ATXN1: variants seen among roughly 807,000 people sequenced by gnomAD.
ATXN1 encodes ataxin 1.
In ATXN1, 8 loss-of-function variants were observed where a neutral mutation model predicts 56.4. The observed-to-expected ratio is 0.14, with a 90% confidence interval of 0.08 to 0.26. The LOEUF (loss-of-function observed/expected upper bound fraction) is 0.26. Among genes scored for constraint, ATXN1 ranks in the 10% least tolerant of loss-of-function variants. The pLI is 1.00. For missense variants in ATXN1, 987 were observed against 1,106.5 expected (o/e 0.89, Z 1.53); for synonymous variants, 514 against 494.6 (o/e 1.04, Z -0.52).
chr6:16,630,923 T>C (rs947042923), intron 3 of ATXN1, among the ~76,000 whole-genome samples: 1 of 152,230 alleles, frequency 6.6e-6, no homozygotes, highest in Admixed American at 6.5e-5. Context: ...CAGTAATAAT[T>C]TGCATTTCTG....
chr6:16,438,161 C>A (rs143232243), intron 6 of ATXN1, among the ~76,000 whole-genome samples: 78 of 152,308 alleles, frequency 5.1e-4, no homozygotes, highest in African/African-American at 1.8e-3. Context: ...GGAGGTGGAG[C>A]TTAGGCTGGC....
Position 16,480,071 on chromosome 6 carries a change from G to A in ATXN1, c.-161+5901C>T, listed in dbSNP as rs559827192. On this transcript the variant is annotated intron_variant, in intron 6 of 7. Transcript: ENST00000436367. ...GGAGGCTGAGGCAGGAGAATCGCTT[G>A]AACCCAGAAGGTGGAGGTTGCAGTG... 2.9e-5 allele frequency among the ~76,000 whole-genome samples: 4 copies of A among 139,986 alleles called. No homozygotes were observed. The South Asian group carries it at 9.0e-4, about 31-fold the overall frequency. The allele number at this position is 139,986 out of a possible 152,430, so 91.8% of individuals were successfully genotyped here.
chr6:16,747,071 G>A (rs1760559208), intron 2 of ATXN1, among the ~76,000 whole-genome samples: 1 of 152,048 alleles, frequency 6.6e-6, no homozygotes, highest in South Asian at 2.1e-4. Flanking sequence ...GGTCCTGGAA[G>A]ACTACTCCAT....
chr6:16,490,146 A>C (rs1760632351), intron 5 of ATXN1, among the ~76,000 whole-genome samples: 2 of 151,998 alleles, frequency 1.3e-5, no homozygotes, highest in South Asian at 2.1e-4. Flanking sequence ...AAAAAAAAAA[A>C]AAAAACCAAA....
rs116348046 is a variant in ATXN1 at position 16,588,029 on chromosome 6, A to T, written c.-488-2122T>A. ...GTGATGTCATCCTCATCTATCCCCT[A>T]ATGTTTTCTGGAAATCTAAGCAGAA... On this transcript the variant is annotated intron_variant, in intron 3 of 7. Coordinates refer to ENST00000436367, the MANE Select transcript of ATXN1 (RefSeq NM_001128164.2). Among the ~76,000 whole-genome samples the T allele has an allele frequency of 4.9e-3, 725 of 148,196 alleles. 3 individuals carry two copies. The highest frequency in any genetic ancestry group is 0.017 in the African/African-American group (686 of 40,262).
chr6:16,701,691 C>T (rs1322653441), intron 2 of ATXN1, among the ~76,000 whole-genome samples: 1 of 144,298 alleles, frequency 6.9e-6, no homozygotes, highest in East Asian at 1.9e-4. Context: ...ACACCACTAA[C>T]AGACAAACAG....
At chr6:16,477,549 A>G (rs755251885) in intron 6 of ATXN1, among the ~76,000 whole-genome samples, 1 of 152,240 alleles carries the variant, frequency 6.6e-6, no homozygotes, top group Non-Finnish European at 1.5e-5. Context: ...CTTTCAGGCC[A>G]GACCTGTCAA....
intron 2 of ATXN1, among the ~76,000 whole-genome samples, chr6:16,702,385 G>C (rs1287256981): frequency 6.6e-6 from 1 of 152,124 alleles, no homozygotes; most frequent in Non-Finnish European, 1.5e-5. Context: ...AAAAACCCTA[G>C]AAGAAAACCT....
chr6:16,486,115 A>G lies in ATXN1; in HGVS notation c.-298-6T>C, dbSNP rs554941274. On this transcript the variant is annotated splice_polypyrimidine_tract_variant and splice_region_variant and intron_variant, in intron 5 of 7. Transcript: ENST00000436367. ...CACAGAGAAGTGAGAAATACCTAGC[A>G]TGGAAATAGAACAGAAGAAAAAGAA... The G allele has an allele frequency of 1.7e-4, 26 of 152,350 alleles. No homozygotes were observed. Among genetic ancestry groups the G allele is most frequent in the African/African-American group, 6.3e-4 (26 of 41,580 alleles). 9.4% of individuals were successfully genotyped at this position (152,350 alleles called of 1,614,324 possible).
intron 3 of ATXN1, among the ~76,000 whole-genome samples, chr6:16,635,331 A>G: frequency 6.6e-6 from 1 of 152,332 alleles, no homozygotes; most frequent in East Asian, 1.9e-4. Flanking sequence ...ATATTACAAC[A>G]TAATAATATA....
chr6:16,690,650 T>C (rs946060032), intron 2 of ATXN1, among the ~76,000 whole-genome samples: 1 of 152,166 alleles, frequency 6.6e-6, no homozygotes, highest in African/African-American at 2.4e-5. Context: ...TTTAGGAACA[T>C]ATGAATCACA....
intron 2 of ATXN1, among the ~76,000 whole-genome samples, chr6:16,669,668 T>C (rs1183207990): frequency 2.8e-5 from 1 of 35,308 alleles, no homozygotes; most frequent in East Asian, 1.7e-3. Context: ...CTGAACAATC[T>C]TTTTTTTTTT....
chr6:16,388,758 C>A (rs967358922), intron 6 of ATXN1, among the ~76,000 whole-genome samples: 2 of 152,164 alleles, frequency 1.3e-5, no homozygotes, highest in African/African-American at 4.8e-5. Context: ...CATTCTCATG[C>A]CTCTGCTCAT....
intron 6 of ATXN1, among the ~76,000 whole-genome samples, chr6:16,387,190 C>T (rs10484360): frequency 0.038 from 5,757 of 152,072 alleles, 339 homozygotes; most frequent in African/African-American, 0.13. Flanking sequence ...CAATGGTGGT[C>T]ACGGATCAGC....
intron 5 of ATXN1, among the ~76,000 whole-genome samples, chr6:16,492,061 C>T (rs1760676366): frequency 6.6e-6 from 1 of 152,142 alleles, no homozygotes. Flanking sequence ...GCCCTGTTGA[C>T]ACCTCAATTT....
rs71535078 is a variant in ATXN1 at position 16,378,537 on chromosome 6, C to CTTTATTTA, written c.-160-50075_-160-50068dup. On this transcript the variant is annotated intron_variant, in intron 6 of 7. Transcript: ENST00000436367. Reference sequence around the variant, plus strand: ...TTACACCACTGGGCCCCTCTCTTGACTTTATTTATTTATTTATTTATTTAT... The same window carrying CTTTATTTA: ...TTACACCACTGGGCCCCTCTCTTGACTTTATTTATTTATTTATTTATTTATTTATTTAT... 8.5e-3 allele frequency among the ~76,000 whole-genome samples: 1,252 copies of CTTTATTTA among 146,772 alleles called. 8 individuals carry two copies. The highest frequency in any genetic ancestry group is 0.023 in the East Asian group (114 of 4,868).
intron 7 of ATXN1, among the ~76,000 whole-genome samples, chr6:16,311,907 T>C (rs887369760): frequency 6.6e-6 from 1 of 152,156 alleles, no homozygotes; most frequent in East Asian, 1.9e-4. Context: ...CAGGCAGAGG[T>C]AATGTGACAT....
chr6:16,427,571 CCA>C (rs940585219), intron 6 of ATXN1, among the ~76,000 whole-genome samples: 1 of 152,182 alleles, frequency 6.6e-6, no homozygotes, highest in African/African-American at 2.4e-5. Context: ...TCTGATTTTT[CCA>C]CACTTTCATT....
rs1323265543 is a variant in ATXN1, at chr6:16,344,553, T to C, written c.-160-16083A>G. On this transcript the variant is annotated intron_variant, in intron 6 of 7. Transcript: ENST00000436367. ...TCTTTTTCTCGTGCTGGATGCTTCC[T>C]GCCCTCGAACACCCGACTTGAAGTT... Among the ~76,000 whole-genome samples, 4 of 152,340 alleles carry C rather than the reference T, an allele frequency of 2.6e-5. No individual in the cohort carries two copies. The East Asian group carries it at 7.7e-4, about 29-fold the overall frequency.
Sources: gnomAD v4.1 joint callset for allele counts (sites outside exome capture counted in the v4.1 genomes callset) on GRCh38, gnomAD v4.1.1 for gene constraint, MANE v1.5 for transcripts, NCBI Gene and HGNC (gene_info 2026-07-23, HGNC 2026-07-21) for gene names.